HIVEP3: variants seen among roughly 807,000 people sequenced by gnomAD.
The protein encoded by HIVEP3 is transcription factor HIVEP3.
In HIVEP3, 49 loss-of-function variants were observed where a neutral mutation model predicts 152.8. That is an observed-to-expected ratio of 0.32 (90% confidence interval 0.26 to 0.41). The LOEUF is 0.41. Ranked by LOEUF, HIVEP3 falls within the 10% of genes least tolerant of loss-of-function variation. The pLI is 1.00. For synonymous variants in HIVEP3, 1,269 were observed against 1,289.0 expected, an observed-to-expected ratio of 0.98 and a Z score of 0.33; for missense variants, 2,790 against 3,103.3, an observed-to-expected ratio of 0.90 and a Z score of 2.40.
At position 41,690,003 on chromosome 1, in the gene HIVEP3, C is replaced by CTAG. The variant is rs1473598026; in HGVS notation, c.-721+10912_-721+10913insCTA. On this transcript the variant is annotated intron_variant, in intron 2 of 8. Transcript: ENST00000372583. ...TTCAACAACTACTTTGCCACAATCCCGTGTGCCTAGGTCCTTGGGAGTCTC... is the reference window on the plus strand; with the variant it reads ...TTCAACAACTACTTTGCCACAATCCCTAGGTGTGCCTAGGTCCTTGGGAGTCTC... 3.9e-5 allele frequency among the ~76,000 whole-genome samples: 6 copies of CTAG among 152,372 alleles called. No individual in the cohort carries two copies. The East Asian group carries it at 1.2e-3, about 29-fold the overall frequency.
rs574222677 is a variant in HIVEP3, at chr1:41,748,232, TC to T, written c.-800-47238del. 6.0e-3 allele frequency among the ~76,000 whole-genome samples: 907 copies of T among 152,276 alleles called. 11 individuals are homozygous for T. Among genetic ancestry groups the T allele is most frequent in the African/African-American group, 0.021 (877 of 41,556 alleles). ...CAACCCTGGAATACTGGCTTTAGGT[TC>T]CTCTGGGTGAGGAACTTGTCCCTCT... On this transcript the variant is annotated intron_variant, in intron 1 of 8. Transcript: ENST00000372583.
At chr1:41,922,647 A>C (rs1357471257), upstream of HIVEP3, among the ~76,000 whole-genome samples, 2 of 152,204 alleles carry the variant, frequency 1.3e-5, no homozygotes, top group African/African-American at 4.8e-5. Flanking sequence ...AAGTCTTGAA[A>C]GATAAGAGTA....
At chr1:41,810,782 C>G (rs150364623) in intron 1 of HIVEP3, among the ~76,000 whole-genome samples, 1 of 152,252 alleles carries the variant, frequency 6.6e-6, no homozygotes, top group Non-Finnish European at 1.5e-5. Context: ...TTTGGCTTCA[C>G]TGTTGTACCT....
intron 1 of HIVEP3, among the ~76,000 whole-genome samples, chr1:41,907,722 A>T (rs1644736567): frequency 6.6e-6 from 1 of 152,154 alleles, no homozygotes. Context: ...GAGCAGCAGG[A>T]CCCGCTGGCC....
intron 5 of HIVEP3, among the ~76,000 whole-genome samples, chr1:41,562,630 T>TCC (rs1201363078): frequency 3.4e-5 from 3 of 87,576 alleles, no homozygotes; most frequent in East Asian, 3.5e-4. Context: ...TCTCTCTCTC[T>TCC]CTCCCTCTCT....
At chr1:41,991,002 G>A (rs1645357170) in intron 1 of HIVEP3, among the ~76,000 whole-genome samples, 1 of 138,762 alleles carries the variant, frequency 7.2e-6, no homozygotes, top group African/African-American at 2.7e-5. Context: ...ATTCAAAGCA[G>A]TGTGTAGAGG....
chr1:41,793,188 T>C (rs1302367309), intron 1 of HIVEP3, among the ~76,000 whole-genome samples: 1 of 152,246 alleles, frequency 6.6e-6, no homozygotes, highest in Non-Finnish European at 1.5e-5. Flanking sequence ...TCCTGCCTTC[T>C]GGGGCTTCTT....
intron 1 of HIVEP3, among the ~76,000 whole-genome samples, chr1:41,912,750 C>T (rs573158445): frequency 8.5e-5 from 13 of 152,254 alleles, no homozygotes; most frequent in South Asian, 2.1e-4. Context: ...CTTTACCAGA[C>T]GCTTCAGCTG....
At chr1:41,522,350 C>T (rs187724440) in intron 6 of HIVEP3, among the ~76,000 whole-genome samples, 6 of 152,322 alleles carry the variant, frequency 3.9e-5, no homozygotes, top group Admixed American at 1.3e-4. Context: ...CCTGGCCTTC[C>T]CTCTATTAGT....
rs1346487385 is a variant in HIVEP3 at position 41,513,530 on chromosome 1, G to T, written c.5691C>A (p.Ile1897=). ...PHALRADSSP[I]LGPQPPDAPA... is the part of the protein sequence containing the mutation. ...GGGCATCTGGGGGCTGAGGGCCCAG[G>T]ATGGGTGAGGAGTCTGCCCGCAGTG... Residue 1897 remains isoleucine (I), a synonymous_variant, in exon 8 of 9, where the codon ATC becomes ATA. Coordinates refer to ENST00000372583, the MANE Select transcript of HIVEP3 (RefSeq NM_024503.5). 1.2e-6 allele frequency: 2 copies of T among 1,607,528 alleles called. No individual in the cohort carries two copies. The highest frequency in any genetic ancestry group is 3.3e-5 in the Admixed American group (2 of 59,770).
At chr1:41,576,223 C>A (rs748875150) in intron 4 of HIVEP3, among the ~76,000 whole-genome samples, 2 of 152,178 alleles carry the variant, frequency 1.3e-5, no homozygotes, top group Non-Finnish European at 2.9e-5. Context: ...GGATCTTGGC[C>A]CTCCTGAGCT....
At chr1:41,718,891 C>T (rs187044041) in intron 1 of HIVEP3, among the ~76,000 whole-genome samples, 2 of 152,298 alleles carry the variant, frequency 1.3e-5, no homozygotes, top group Admixed American at 6.5e-5. Flanking sequence ...GGCATTAGAA[C>T]GAAGGCGCTA....
At chr1:41,708,659 C>A (rs1265817553) in intron 1 of HIVEP3, among the ~76,000 whole-genome samples, 1 of 152,170 alleles carries the variant, frequency 6.6e-6, no homozygotes, top group East Asian at 1.9e-4. Flanking sequence ...CTGATATATT[C>A]CCTCTTTGCT....
chr1:41,724,478 CA>C (rs2124174522), intron 1 of HIVEP3, among the ~76,000 whole-genome samples: 1 of 152,344 alleles, frequency 6.6e-6, no homozygotes, highest in South Asian at 2.1e-4. Flanking sequence ...GGCCATTCTC[CA>C]GATGAGAAAA....
At chr1:42,022,045 G>C (rs146644699) in intron 1 of HIVEP3, among the ~76,000 whole-genome samples, 2 of 152,226 alleles carry the variant, frequency 1.3e-5, no homozygotes, top group East Asian at 3.9e-4. Context: ...AACAGGGCTG[G>C]GGCCCCACAA....
chr1:41,660,378 A>G (rs1645694865), intron 2 of HIVEP3, among the ~76,000 whole-genome samples: 1 of 152,238 alleles, frequency 6.6e-6, no homozygotes, highest in African/African-American at 2.4e-5. Context: ...CATTCTGCAA[A>G]GTGTCCATAC....
At chr1:41,730,071 G>A (rs1646815369) in intron 1 of HIVEP3, among the ~76,000 whole-genome samples, 1 of 152,228 alleles carries the variant, frequency 6.6e-6, no homozygotes, top group African/African-American at 2.4e-5. Flanking sequence ...TAGGAAACGT[G>A]ACTGCAGAGC....
At chr1:41,661,918 G>A (rs1027310662) in intron 2 of HIVEP3, among the ~76,000 whole-genome samples, 2 of 152,210 alleles carry the variant, frequency 1.3e-5, no homozygotes, top group Non-Finnish European at 2.9e-5. Context: ...CTGAGAGCGC[G>A]TGCATCAGGC....
chr1:41,713,953 G>C (rs1452532193), intron 1 of HIVEP3, among the ~76,000 whole-genome samples: 3 of 152,232 alleles, frequency 2.0e-5, no homozygotes, highest in Non-Finnish European at 4.4e-5. Context: ...CAGGCTGTCA[G>C]CTCCCCTTCC....
Sources: gnomAD v4.1 joint callset for allele counts (sites outside exome capture counted in the v4.1 genomes callset) on GRCh38, gnomAD v4.1.1 for gene constraint, MANE v1.5 for transcripts, NCBI Gene and HGNC (gene_info 2026-07-23, HGNC 2026-07-21) for gene names.